Variants in RAP1GAP2 observed in about 807,000 individuals in gnomAD.
The protein encoded by RAP1GAP2 is rap1 GTPase-activating protein 2.
RAP1GAP2 carries 27 observed loss-of-function variants against 95.0 expected under a neutral mutation model. The observed-to-expected ratio is 0.28, with a 90% CI of 0.21 to 0.39. The LOEUF (loss-of-function observed/expected upper bound fraction) is 0.39. Among genes scored for constraint, RAP1GAP2 ranks in the 10% least tolerant of loss-of-function variants. RAP1GAP2 has a pLI of 1.00. For missense variants in RAP1GAP2, 771 were observed against 970.0 expected (o/e 0.79, Z 2.72); for synonymous variants, 373 against 380.9 (o/e 0.98, Z 0.24).
chr17:2,807,112 G>T (rs1240906751), intron 2 of RAP1GAP2, among the ~76,000 whole-genome samples: 3 of 152,166 alleles, frequency 2.0e-5, no homozygotes, highest in Non-Finnish European at 4.4e-5. Context: ...GGCCAGGCTG[G>T]TCTCAAACTC....
At chr17:2,841,103 CGA>C (rs2071356817) in intron 2 of RAP1GAP2, among the ~76,000 whole-genome samples, 1 of 151,486 alleles carries the variant, frequency 6.6e-6, no homozygotes, top group Non-Finnish European at 1.5e-5. Context: ...TGCAGTGAGC[CGA>C]GATTGCGCCA....
chr17:3,006,851 G>A (rs1232438458), intron 16 of RAP1GAP2, among the ~76,000 whole-genome samples: 1 of 152,100 alleles, frequency 6.6e-6, no homozygotes, highest in East Asian at 1.9e-4. Context: ...GGGGGGTGGG[G>A]CAGGGGGTCA....
At chr17:2,786,071 T>G (rs1475683840) in intron 1 of RAP1GAP2, among the ~76,000 whole-genome samples, 5 of 152,048 alleles carry the variant, frequency 3.3e-5, no homozygotes, top group African/African-American at 1.2e-4. Flanking sequence ...CTGGCTAATT[T>G]TGTATTTTTA....
At chr17:2,907,278 G>A (rs1268899663) in intron 3 of RAP1GAP2, among the ~76,000 whole-genome samples, 1 of 152,148 alleles carries the variant, frequency 6.6e-6, no homozygotes, top group East Asian at 1.9e-4. Flanking sequence ...GTAGGTCCTA[G>A]AGGGAAATGG....
chr17:2,941,119 G>C (rs1352217526), intron 3 of RAP1GAP2, among the ~76,000 whole-genome samples: 3 of 152,122 alleles, frequency 2.0e-5, no homozygotes, highest in African/African-American at 7.2e-5. Context: ...AAGACCGCGT[G>C]GGCCGGGAAC....
chr17:2,929,969 C>T (rs371308399), intron 3 of RAP1GAP2, among the ~76,000 whole-genome samples: 23 of 152,346 alleles, frequency 1.5e-4, no homozygotes, highest in South Asian at 6.2e-4. Flanking sequence ...TCGTCACTCC[C>T]GGAGCCACCT....
chr17:3,005,472 TC>T lies in RAP1GAP2; in HGVS notation c.1272+34del. On this transcript the variant is annotated intron_variant, in intron 15 of 24. Coordinates refer to ENST00000254695, the MANE Select transcript of RAP1GAP2 (RefSeq NM_015085.5). This position sits in a 1 kb window ranked among gnomAD's most constrained non-coding sequence, Gnocchi z 5.2. ...CACTCTTCCTTCTGCCCCTCTCGCA[TC>T]CACGATGCCAGGTCTCAGTGCTTGA... 1 of 1,585,112 alleles carries T rather than the reference TC, an allele frequency of 6.3e-7. No homozygotes were observed. The highest frequency in any genetic ancestry group is 8.7e-7 in the Non-Finnish European group (1 of 1,153,628).
chr17:2,905,241 G>T, intron 2 of RAP1GAP2, 43 bp from the exon 3 acceptor site: 1 of 1,567,868 alleles, frequency 6.4e-7, no homozygotes. Flanking sequence ...GAGAAGGGAA[G>T]GCGCAGGCAG....
intron 17 of RAP1GAP2, among the ~76,000 whole-genome samples, chr17:3,009,570 G>T (rs2151617514): frequency 6.6e-6 from 1 of 152,318 alleles, no homozygotes; most frequent in Non-Finnish European, 1.5e-5. Context: ...ACCCGCACTA[G>T]CCTGGGCCCG....
At position 2,897,400 on chromosome 17, in the gene RAP1GAP2, G is replaced by A. The variant is rs144109886; in HGVS notation, c.81-7884G>A. ...AGAAGCCAGTTGTGCTTCCTGACAC[G>A]TTCCTCCTGGAGACTTTTTTTTTTC... is the stretch of plus-strand genomic sequence containing the variant. On this transcript the variant is annotated intron_variant, in intron 2 of 24. Transcript: ENST00000254695. 3.7e-3 allele frequency among the ~76,000 whole-genome samples: 554 copies of A among 151,610 alleles called. 4 individuals carry two copies. Among genetic ancestry groups the A allele is most frequent in the Non-Finnish European group, 5.7e-3 (389 of 67,922 alleles).
At position 2,920,010 on chromosome 17, in the gene RAP1GAP2, CTT is replaced by C. The variant is rs34848214; in HGVS notation, c.165+14657_165+14658del. Among the ~76,000 whole-genome samples the C allele has an allele frequency of 2.0e-3, 230 of 116,866 alleles. 1 individual carries two copies. Among genetic ancestry groups the C allele is most frequent in the African/African-American group, 5.0e-3 (166 of 32,874 alleles). The allele number at this position is 116,866 out of a possible 152,430, so 76.7% of individuals were successfully genotyped here. A position where few individuals can be genotyped will look rare whatever the true frequency, so the allele number is the denominator to read the frequency against. On this transcript the variant is annotated intron_variant, in intron 3 of 24. Coordinates refer to ENST00000254695, the MANE Select transcript of RAP1GAP2 (RefSeq NM_015085.5). ...GCCGCCGCATCTGGCCTCCTTTTTT[CTT>C]TTTTTTTTTTTTTTGAGACAGGTTC...
chr17:2,946,811 G>A (rs2151444070), intron 3 of RAP1GAP2, among the ~76,000 whole-genome samples: 1 of 152,348 alleles, frequency 6.6e-6, no homozygotes, highest in Admixed American at 6.5e-5. Context: ...CTGGCGTGCA[G>A]TGGCGTGATC....
intron 9 of RAP1GAP2, among the ~76,000 whole-genome samples, chr17:2,980,833 G>A (rs2045329256): frequency 6.6e-6 from 1 of 152,200 alleles, no homozygotes; most frequent in South Asian, 2.1e-4. Context: ...TTAGCAAAGT[G>A]GGTGAGCAAG....
chr17:2,755,744 G>A (rs1402588974), exon 1 of RAP1GAP2: 13 of 351,066 alleles, frequency 3.7e-5, no homozygotes, highest in Non-Finnish European at 6.2e-5. Flanking sequence ...CGCCGGGGGA[G>A]AAGCGCTGGC....
At chr17:2,872,179 A>C (rs1474853819) in intron 2 of RAP1GAP2, among the ~76,000 whole-genome samples, 1 of 128,164 alleles carries the variant, frequency 7.8e-6, no homozygotes, top group African/African-American at 2.9e-5. Context: ...GCACCATTGC[A>C]CTCCAGCTTG....
intron 3 of RAP1GAP2, among the ~76,000 whole-genome samples, chr17:2,929,198 A>G (rs1331355864): frequency 6.6e-6 from 1 of 152,046 alleles, no homozygotes; most frequent in South Asian, 2.1e-4. Flanking sequence ...GCGCCACTGT[A>G]CTCCAGCCTG....
At chr17:2,943,151 C>G (rs757597862) in intron 3 of RAP1GAP2, among the ~76,000 whole-genome samples, 1 of 151,778 alleles carries the variant, frequency 6.6e-6, no homozygotes, top group Non-Finnish European at 1.5e-5. Context: ...AAGCCCCTGA[C>G]AATCACGAAT....
chr17:2,786,247 AGTG>A (rs2068771181), intron 1 of RAP1GAP2, among the ~76,000 whole-genome samples: 1 of 152,222 alleles, frequency 6.6e-6, no homozygotes, highest in Non-Finnish European at 1.5e-5. Flanking sequence ...AGGGAGTTTA[AGTG>A]GTTTCCTCAC....
intron 1 of RAP1GAP2, among the ~76,000 whole-genome samples, chr17:2,783,349 A>T (rs991016062): frequency 1.3e-5 from 2 of 152,158 alleles, no homozygotes; most frequent in African/African-American, 4.8e-5. Flanking sequence ...TCTACTTCCT[A>T]ACCCCCTCTT....
Sources: gnomAD v4.1 joint callset for allele counts (sites outside exome capture counted in the v4.1 genomes callset) on GRCh38, gnomAD v4.1.1 for gene constraint, Gnocchi (gnomAD v3.1) non-coding constraint, MANE v1.5 for transcripts, NCBI Gene and HGNC (gene_info 2026-07-23, HGNC 2026-07-21) for gene names.